SMAD3: variants seen among roughly 807,000 people sequenced by gnomAD.
SMAD3 encodes MAD homolog 3.
SMAD3 carries 12 observed loss-of-function variants against 51.8 expected under a neutral mutation model. The ratio of observed to expected loss-of-function variants is 0.23; its 90% CI spans 0.15 to 0.38. The LOEUF is 0.38. SMAD3 is among the 10% of genes least tolerant of loss of function. The pLI is 1.00. For missense variants in SMAD3, 294 were observed against 565.6 expected (o/e 0.52, Z 4.87); for synonymous variants, 238 against 227.7 (o/e 1.05, Z -0.41).
At chr15:67,073,922 C>T (rs1960111041) in intron 1 of SMAD3, among the ~76,000 whole-genome samples, 1 of 152,210 alleles carries the variant, frequency 6.6e-6, no homozygotes, top group Non-Finnish European at 1.5e-5. Flanking sequence ...ATCTGCCCGC[C>T]TCGGCCTCCC....
intron 1 of SMAD3, among the ~76,000 whole-genome samples, chr15:67,115,490 C>T (rs2140238373): frequency 6.6e-6 from 1 of 152,326 alleles, no homozygotes; most frequent in Middle Eastern, 3.4e-3. Flanking sequence ...GAATCCACAT[C>T]TGCTGTGTGC....
At chr15:67,069,973 G>A (rs986084496) in intron 1 of SMAD3, among the ~76,000 whole-genome samples, 1 of 152,110 alleles carries the variant, frequency 6.6e-6, no homozygotes, top group African/African-American at 2.4e-5. Flanking sequence ...CAAAGTGCTG[G>A]GATTACAGGC....
At chr15:67,126,305 G>A (rs1961385865) in intron 1 of SMAD3, among the ~76,000 whole-genome samples, 1 of 152,060 alleles carries the variant, frequency 6.6e-6, no homozygotes, top group African/African-American at 2.4e-5. Context: ...ATTGCCTCCT[G>A]AGTGGTGGGG....
intron 1 of SMAD3, among the ~76,000 whole-genome samples, chr15:67,097,692 A>G (rs1179327504): frequency 6.6e-6 from 1 of 152,138 alleles, no homozygotes; most frequent in African/African-American, 2.4e-5. Context: ...GGGAGGAGTA[A>G]TCATTGTGTC....
At chr15:67,148,544 T>G (rs1962040398) in intron 1 of SMAD3, among the ~76,000 whole-genome samples, 1 of 152,232 alleles carries the variant, frequency 6.6e-6, no homozygotes, top group South Asian at 2.1e-4. Context: ...TCAAAAACAT[T>G]TTAGCTTCCT....
At chr15:67,176,378 T>C (rs1962894374) in intron 5 of SMAD3, among the ~76,000 whole-genome samples, 1 of 152,096 alleles carries the variant, frequency 6.6e-6, no homozygotes, top group Non-Finnish European at 1.5e-5. Context: ...GAGTGTGGAA[T>C]CTCCTAGATT....
chr15:67,131,271 C>G (rs888296173), intron 1 of SMAD3, among the ~76,000 whole-genome samples: 2 of 152,216 alleles, frequency 1.3e-5, no homozygotes, highest in African/African-American at 4.8e-5. Flanking sequence ...CAGTCCCTTG[C>G]CACAGGTCAC....
At chr15:67,086,112 G>T (rs1288828292) in intron 1 of SMAD3, among the ~76,000 whole-genome samples, 1 of 151,870 alleles carries the variant, frequency 6.6e-6, no homozygotes, top group Non-Finnish European at 1.5e-5. Flanking sequence ...GCAGGGGGGT[G>T]GAGCTGGAAT....
Position 67,165,332 on chromosome 15 carries a change from C to A in SMAD3, c.480C>A (p.Ile160=), listed in dbSNP as rs1566991810. 1 of 1,614,218 alleles carries A rather than the reference C, an allele frequency of 6.2e-7. No individual in the cohort carries two copies. The highest frequency in any genetic ancestry group is 1.6e-4 in the Middle Eastern group (1 of 6,062). Reference sequence around the variant, plus strand: ...CACTGGACGACTACAGCCATTCCATCCCCGAAAACACTAACTTCCCCGCAG... The same window carrying A: ...CACTGGACGACTACAGCCATTCCATACCCGAAAACACTAACTTCCCCGCAG... ...FPPLDDYSHS[I]PENTNFPAGI... Residue 160 remains isoleucine (I), a synonymous_variant, in exon 3 of 9, where the codon ATC becomes ATA. Coordinates refer to ENST00000327367, the MANE Select transcript of SMAD3 (RefSeq NM_005902.4).
intron 1 of SMAD3, among the ~76,000 whole-genome samples, chr15:67,133,008 C>T (rs1357511903): frequency 6.6e-6 from 1 of 152,198 alleles, no homozygotes; most frequent in Non-Finnish European, 1.5e-5. Flanking sequence ...CAGCTTCCTC[C>T]TCTGACCCAT....
At chr15:67,140,170 C>G (rs1961781306) in intron 1 of SMAD3, among the ~76,000 whole-genome samples, 1 of 151,662 alleles carries the variant, frequency 6.6e-6, no homozygotes, top group African/African-American at 2.4e-5. Context: ...GGAAGCTGTG[C>G]TTGATTAAGT....
rs142825035 is a variant in SMAD3, at chr15:67,078,893, T to C, written c.206+12533T>C. Among the ~76,000 whole-genome samples the C allele has an allele frequency of 3.1e-3, 477 of 152,374 alleles. 6 individuals are homozygous for C. The highest frequency in any genetic ancestry group is 0.011 in the African/African-American group (449 of 41,590). ...TGACCTCCCTCAAGGAGGGATGTTA[T>C]TGAAGTTATTTACTTAAATCAGATT... On this transcript the variant is annotated intron_variant, in intron 1 of 8. Coordinates refer to ENST00000327367, the MANE Select transcript of SMAD3 (RefSeq NM_005902.4).
intron 1 of SMAD3, among the ~76,000 whole-genome samples, chr15:67,140,184 T>C (rs1961781769): frequency 6.6e-6 from 1 of 151,276 alleles, no homozygotes; most frequent in Non-Finnish European, 1.5e-5. Flanking sequence ...ATTAAGTGAA[T>C]GTGTTTGATC....
At chr15:67,188,148 CTTT>C (rs11367565) in intron 8 of SMAD3, among the ~76,000 whole-genome samples, 11 of 115,974 alleles carry the variant, frequency 9.5e-5, no homozygotes, top group South Asian at 3.2e-4. Flanking sequence ...TTTTCTTTTT[CTTT>C]TTTTTTTTTT....
chr15:67,170,657 C>A, intron 5 of SMAD3, 53 bp downstream of exon 5: 1 of 1,537,530 alleles, frequency 6.5e-7, no homozygotes, highest in Non-Finnish European at 9.0e-7. Flanking sequence ...GCAGCCCTGG[C>A]GAGTCGCCAG....
chr15:67,143,249 A>C (rs949550680), intron 1 of SMAD3, among the ~76,000 whole-genome samples: 29 of 152,210 alleles, frequency 1.9e-4, no homozygotes, highest in Non-Finnish European at 4.1e-4. Context: ...TTTTCAGTGA[A>C]ATCTTTAGTG....
At chr15:67,176,414 A>G (rs1962896137) in intron 5 of SMAD3, among the ~76,000 whole-genome samples, 1 of 152,170 alleles carries the variant, frequency 6.6e-6, no homozygotes, top group Non-Finnish European at 1.5e-5. Flanking sequence ...TCCGCAGGTG[A>G]GGTGGGCCCA....
intron 1 of SMAD3, among the ~76,000 whole-genome samples, chr15:67,135,495 T>C (rs1331039926): frequency 6.6e-6 from 1 of 152,190 alleles, no homozygotes; most frequent in Non-Finnish European, 1.5e-5. Flanking sequence ...TGGTACCAAG[T>C]AGGCCCTCTC....
At chr15:67,106,810 C>T (rs1228357840) in intron 1 of SMAD3, among the ~76,000 whole-genome samples, 2 of 152,160 alleles carry the variant, frequency 1.3e-5, no homozygotes, top group African/African-American at 4.8e-5. Context: ...CTTATCAGTC[C>T]TACATCTCAG....
Sources: gnomAD v4.1 joint callset for allele counts (sites outside exome capture counted in the v4.1 genomes callset) on GRCh38, gnomAD v4.1.1 for gene constraint, MANE v1.5 for transcripts, NCBI Gene and HGNC (gene_info 2026-07-23, HGNC 2026-07-21) for gene names.